OSBP2: variants seen among roughly 807,000 people sequenced by gnomAD.
OSBP2 encodes oxysterol binding protein 2.
OSBP2 carries 66 observed loss-of-function variants against 96.0 expected under a neutral mutation model. The ratio of observed to expected loss-of-function variants is 0.69; its 90% confidence interval spans 0.56 to 0.84. The LOEUF (loss-of-function observed/expected upper bound fraction) is 0.84. Among genes scored for constraint, OSBP2 ranks in the 40% least tolerant of loss-of-function variants. The pLI, the probability that OSBP2 is intolerant of heterozygous loss-of-function variation, is 0.00. For synonymous variants in OSBP2, 525 were observed against 520.9 expected (o/e 1.01, Z -0.11); for missense variants, 1,038 against 1,222.7 (o/e 0.85, Z 2.25).
intron 2 of OSBP2, among the ~76,000 whole-genome samples, chr22:30,744,683 C>T (rs1450715258): frequency 6.6e-6 from 1 of 152,100 alleles, no homozygotes; most frequent in Non-Finnish European, 1.5e-5. Flanking sequence ...ATCGCTTGAA[C>T]CCTGGAGGCA....
chr22:30,697,063 A>G (rs2089054935), intron 1 of OSBP2, among the ~76,000 whole-genome samples: 1 of 152,178 alleles, frequency 6.6e-6, no homozygotes, highest in African/African-American at 2.4e-5. Flanking sequence ...TCTGAACACC[A>G]ACATCTGGAC....
chr22:30,872,986 A>C (rs1451070582), intron 3 of OSBP2, among the ~76,000 whole-genome samples: 1 of 152,144 alleles, frequency 6.6e-6, no homozygotes, highest in Non-Finnish European at 1.5e-5. Flanking sequence ...TGTTAGGAGA[A>C]GGTGTTGGAC....
intron 2 of OSBP2, among the ~76,000 whole-genome samples, chr22:30,833,887 G>A (rs1031776022): frequency 6.6e-6 from 1 of 151,990 alleles, no homozygotes; most frequent in South Asian, 2.1e-4. Context: ...TCTCTTATCA[G>A]TGTTTTTTTA....
At chr22:30,727,096 A>G (rs8137597) in intron 1 of OSBP2, among the ~76,000 whole-genome samples, 7,558 of 152,268 alleles carry the variant, frequency 0.05, 641 homozygotes, top group African/African-American at 0.17. Flanking sequence ...CAGCCTATGC[A>G]TGTGGAACAG....
chr22:30,868,772 C>T (rs1326817906), intron 2 of OSBP2, among the ~76,000 whole-genome samples: 4 of 152,232 alleles, frequency 2.6e-5, no homozygotes, highest in Non-Finnish European at 5.9e-5. Flanking sequence ...GGCTTGGGCC[C>T]CATGCAGCTG....
intron 2 of OSBP2, among the ~76,000 whole-genome samples, chr22:30,769,401 G>A (rs1313403703): frequency 2.0e-5 from 3 of 152,176 alleles, no homozygotes; most frequent in Non-Finnish European, 4.4e-5. Context: ...TGTATTCCCA[G>A]CACTTTCGGA....
chr22:30,729,221 A>G (rs1313942719), intron 1 of OSBP2, among the ~76,000 whole-genome samples: 1 of 152,214 alleles, frequency 6.6e-6, no homozygotes, highest in South Asian at 2.1e-4. Flanking sequence ...TGATCCAGGA[A>G]TCCTACTTTT....
chr22:30,874,992 G>A (rs367804652), intron 3 of OSBP2, among the ~76,000 whole-genome samples: 3 of 152,294 alleles, frequency 2.0e-5, no homozygotes, highest in South Asian at 2.1e-4. Flanking sequence ...TCTTACTCAC[G>A]GGTGTCCCCG....
chr22:30,895,920 A>G (rs1260265375), intron 12 of OSBP2, among the ~76,000 whole-genome samples: 3 of 150,342 alleles, frequency 2.0e-5, no homozygotes, highest in Non-Finnish European at 4.4e-5. Flanking sequence ...CCTGGGAGGA[A>G]AAAAAAAAAT....
intron 2 of OSBP2, among the ~76,000 whole-genome samples, chr22:30,863,873 C>T (rs1180658619): frequency 6.6e-6 from 1 of 152,084 alleles, no homozygotes; most frequent in Non-Finnish European, 1.5e-5. Context: ...CGAGGCTTCT[C>T]TTTCTTTGCT....
At chr22:30,844,273 G>A (rs985121125) in intron 2 of OSBP2, among the ~76,000 whole-genome samples, 1 of 152,130 alleles carries the variant, frequency 6.6e-6, no homozygotes, top group Non-Finnish European at 1.5e-5. Flanking sequence ...CCTAAGAAGA[G>A]CCAACCTGTC....
At chr22:30,709,112 T>C (rs2089303752) in intron 1 of OSBP2, among the ~76,000 whole-genome samples, 1 of 151,798 alleles carries the variant, frequency 6.6e-6, no homozygotes, top group African/African-American at 2.4e-5. Flanking sequence ...AAAATAATAA[T>C]AATAAAATAA....
At chr22:30,694,187 A>G, upstream of OSBP2, 1 of 1,550,280 alleles carries the variant, frequency 6.5e-7, no homozygotes, top group Non-Finnish European at 8.7e-7. Context: ...GTTTACAAAA[A>G]GTCTTCCCCT....
At chr22:30,885,149 T>A (rs1397191233) in intron 3 of OSBP2, among the ~76,000 whole-genome samples, 1 of 152,178 alleles carries the variant, frequency 6.6e-6, no homozygotes, top group African/African-American at 2.4e-5. Context: ...AGGACTGGTG[T>A]GCCCATCTTC....
Position 30,905,923 on chromosome 22 carries a change from G to A in OSBP2, c.2462G>A (p.Arg821His), listed in dbSNP as rs2147203186. 6.2e-7 allele frequency: 1 copy of A among 1,612,980 alleles called. No individual in the cohort carries two copies. Among genetic ancestry groups the A allele is most frequent in the Non-Finnish European group, 8.5e-7 (1 of 1,179,624 alleles). The change falls in exon 13 of 14, where the codon CGC becomes CAC. Residue 821 changes from arginine to histidine, a missense_variant. Coordinates refer to ENST00000332585, the MANE Select transcript of OSBP2 (RefSeq NM_030758.4). ...HEEGVAPTDS[R>H]LRPDQRLMEK... Reference sequence around the variant, plus strand: ...GAGGGCGTAGCGCCAACCGACAGCCGCCTGCGGCCCGACCAGCGGCTGATG... The same window carrying A: ...GAGGGCGTAGCGCCAACCGACAGCCACCTGCGGCCCGACCAGCGGCTGATG...
At chr22:30,696,457 A>G (rs1456889803) in intron 1 of OSBP2, among the ~76,000 whole-genome samples, 1 of 152,158 alleles carries the variant, frequency 6.6e-6, no homozygotes, top group East Asian at 1.9e-4. Flanking sequence ...GCCTAGGGGA[A>G]GGGCCTGAGA....
chr22:30,865,118 C>T (rs2039306241), intron 2 of OSBP2, among the ~76,000 whole-genome samples: 1 of 152,216 alleles, frequency 6.6e-6, no homozygotes, highest in South Asian at 2.1e-4. Flanking sequence ...CCTGGCTCCC[C>T]TGCGCTAGAT....
In OSBP2 at chr22:30,890,369, A is replaced by G. The variant is rs1260523353; in HGVS notation, c.1624-359A>G. 6.6e-6 allele frequency among the ~76,000 whole-genome samples: 1 copy of G among 151,852 alleles called. No individual in the cohort carries two copies. Among genetic ancestry groups the G allele is most frequent in the Non-Finnish European group, 1.5e-5 (1 of 67,968 alleles). On this transcript the variant is annotated intron_variant, in intron 7 of 13. Coordinates refer to ENST00000332585, the MANE Select transcript of OSBP2 (RefSeq NM_030758.4). The surrounding 1 kb of genome is among the most constrained non-coding windows in gnomAD (Gnocchi z 4.4). ...GAAGACCCACTTCCTCCACCCACAG[A>G]CTCATGTGCCCATTCAGTCACTGCT...
At chr22:30,798,750 C>T (rs1445374829) in intron 2 of OSBP2, among the ~76,000 whole-genome samples, 1 of 152,198 alleles carries the variant, frequency 6.6e-6, no homozygotes, top group African/African-American at 2.4e-5. Context: ...TGGTGGCTCA[C>T]ACCTGTAATC....
Sources: allele counts gnomAD v4.1 joint callset (sites outside exome capture counted in the v4.1 genomes callset), GRCh38; gene constraint gnomAD v4.1.1; non-coding constraint Gnocchi (gnomAD v3.1); transcripts MANE v1.5; gene names NCBI Gene and HGNC (gene_info 2026-07-23, HGNC 2026-07-21).